The following DPP10 variants were observed in gnomAD, a reference collection of about 807,000 sequenced individuals.
DPP10 encodes dipeptidyl peptidase like 10, also known as inactive dipeptidyl peptidase 10.
In DPP10, 33 loss-of-function variants were observed where a neutral mutation model predicts 120.9. The ratio of observed to expected loss-of-function variants is 0.27; its 90% CI spans 0.21 to 0.37. The LOEUF (loss-of-function observed/expected upper bound fraction) is 0.37, where lower values mean the gene tolerates loss of function less well. Among genes scored for constraint, DPP10 ranks in the 10% least tolerant of loss-of-function variants. DPP10 has a pLI of 1.00. For missense variants in DPP10, 816 were observed against 942.8 expected (o/e 0.87, Z 1.76); for synonymous variants, 337 against 326.1 (o/e 1.03, Z -0.36).
chr2:115,360,387 G>C (rs1483002828), intron 3 of DPP10, among the ~76,000 whole-genome samples: 1 of 152,150 alleles, frequency 6.6e-6, no homozygotes, highest in African/African-American at 2.4e-5. Flanking sequence ...CTCTGTACAG[G>C]TTATTTAATT....
chr2:115,131,966 C>A (rs999957646), intron 1 of DPP10: 33 of 151,734 alleles, frequency 2.2e-4, no homozygotes, highest in African/African-American at 7.7e-4. Context: ...ATCATGGTGG[C>A]ACAATCCCAG....
intron 1 of DPP10, among the ~76,000 whole-genome samples, chr2:114,903,282 A>C (rs1041909958): frequency 2.0e-4 from 31 of 152,338 alleles, no homozygotes; most frequent in African/African-American, 7.2e-4. Flanking sequence ...TTTTTGTGTG[A>C]ACAAACCTGT....
intron 1 of DPP10, among the ~76,000 whole-genome samples, chr2:114,469,386 T>C (rs1285471286): frequency 2.6e-5 from 4 of 152,222 alleles, no homozygotes; most frequent in Non-Finnish European, 4.4e-5. Flanking sequence ...ATCATTCATC[T>C]TGTTTAACCT....
At chr2:115,010,914 C>A (rs536681933) in intron 1 of DPP10, among the ~76,000 whole-genome samples, 10 of 152,106 alleles carry the variant, frequency 6.6e-5, no homozygotes, top group South Asian at 2.1e-4. Context: ...GAAAGGCAAA[C>A]GTAAACATGA....
intron 3 of DPP10, among the ~76,000 whole-genome samples, chr2:115,486,069 T>A (rs1189539477): frequency 6.6e-6 from 1 of 152,140 alleles, no homozygotes; most frequent in Admixed American, 6.6e-5. Context: ...TCAGTTAGTT[T>A]CCCTTGACAT....
chr2:115,450,913 CTGT>C (rs1419876577), intron 3 of DPP10, among the ~76,000 whole-genome samples: 1 of 151,866 alleles, frequency 6.6e-6, no homozygotes, highest in Non-Finnish European at 1.5e-5. Flanking sequence ...TAACAGACTG[CTGT>C]TTAGTTTATA....
chr2:115,086,582 C>T (rs1708721722), intron 1 of DPP10, among the ~76,000 whole-genome samples: 1 of 151,674 alleles, frequency 6.6e-6, no homozygotes, highest in African/African-American at 2.4e-5. Context: ...TCAGCCTCCC[C>T]AGTAGCTGGG....
chr2:115,629,883 GC>G (rs1442918792), intron 5 of DPP10, among the ~76,000 whole-genome samples: 1 of 152,106 alleles, frequency 6.6e-6, no homozygotes, highest in Non-Finnish European at 1.5e-5. Context: ...GGCTATGCGG[GC>G]TCTTTTTTGG....
chr2:115,213,208 G>A (rs976757906), intron 1 of DPP10, among the ~76,000 whole-genome samples: 1 of 152,096 alleles, frequency 6.6e-6, no homozygotes, highest in African/African-American at 2.4e-5. Flanking sequence ...AGGATATCTT[G>A]CATTTTTACT....
intron 7 of DPP10, 34 bp from the exon 8 acceptor site, chr2:115,727,782 G>A (rs2092801482): frequency 6.4e-7 from 1 of 1,561,714 alleles, no homozygotes; most frequent in African/African-American, 1.4e-5. Flanking sequence ...CTAACGTGTT[G>A]GATTTTTTGT....
chr2:115,183,593 AT>A (rs1409692728), intron 1 of DPP10, among the ~76,000 whole-genome samples: 1 of 152,204 alleles, frequency 6.6e-6, no homozygotes, highest in Non-Finnish European at 1.5e-5. Context: ...AGAGTTTGAA[AT>A]TTAGGAGAGG....
At chr2:115,043,553 C>T (rs190193125) in intron 1 of DPP10, among the ~76,000 whole-genome samples, 2 of 152,172 alleles carry the variant, frequency 1.3e-5, no homozygotes, top group African/African-American at 4.8e-5. Context: ...CCACAGATTA[C>T]ATAGTAAACT....
intron 1 of DPP10, among the ~76,000 whole-genome samples, chr2:115,040,039 G>A (rs1286986922): frequency 6.6e-6 from 1 of 152,136 alleles, no homozygotes; most frequent in East Asian, 1.9e-4. Flanking sequence ...AGTATAAGAA[G>A]TAATTTTACT....
intron 1 of DPP10, among the ~76,000 whole-genome samples, chr2:114,503,491 T>A (rs567104973): frequency 6.6e-6 from 1 of 152,320 alleles, no homozygotes; most frequent in African/African-American, 2.4e-5. Flanking sequence ...TGGAGATGCA[T>A]TTTTTGGGTT....
Position 115,814,703 on chromosome 2 carries a change from TC to T in DPP10, c.1701-87del, listed in dbSNP as rs1687026618. 5.7e-6 allele frequency: 6 copies of T among 1,061,618 alleles called. No individual in the cohort carries two copies. In the East Asian group the frequency reaches 1.5e-4, roughly 27 times the overall value. The allele number at this position is 1,061,618 out of a possible 1,614,324, so 65.8% of individuals were successfully genotyped here. ...AATTTTAATAGCCAGCACAGTTCTT[TC>T]CCATTACTTAACTTGTGAGTATGAA... On this transcript the variant is annotated intron_variant, in intron 19 of 25. Transcript: ENST00000410059.
At chr2:114,814,611 A>T (rs1432705524) in intron 1 of DPP10, among the ~76,000 whole-genome samples, 1 of 152,128 alleles carries the variant, frequency 6.6e-6, no homozygotes, top group East Asian at 1.9e-4. Context: ...TGGCTACCGT[A>T]GTAGATATGG....
intron 1 of DPP10, among the ~76,000 whole-genome samples, chr2:114,655,380 T>C (rs548245886): frequency 2.8e-4 from 42 of 152,292 alleles, no homozygotes; most frequent in Non-Finnish European, 4.4e-4. Context: ...TAAATTTCTG[T>C]TTGGCTTCAG....
intron 3 of DPP10, among the ~76,000 whole-genome samples, chr2:115,378,353 TTGTC>T (rs2065984097): frequency 3.3e-5 from 2 of 59,876 alleles, no homozygotes; most frequent in Admixed American, 1.9e-4. Context: ...GGCTCTCTGT[TTGTC>T]TGTTGTTGGT....
intron 1 of DPP10, among the ~76,000 whole-genome samples, chr2:115,070,717 C>A (rs1419957758): frequency 1.3e-5 from 2 of 151,946 alleles, no homozygotes; most frequent in African/African-American, 4.8e-5. Context: ...TCTAGGAATA[C>A]CAATTATAAA....
Sources: allele counts gnomAD v4.1 joint callset (sites outside exome capture counted in the v4.1 genomes callset), GRCh38; gene constraint gnomAD v4.1.1; transcripts MANE v1.5; gene names NCBI Gene and HGNC (gene_info 2026-07-23, HGNC 2026-07-21).